SOX6: variants seen among roughly 807,000 people sequenced by gnomAD.
SOX6 encodes SRY-box transcription factor 6.
In SOX6, 11 loss-of-function variants were observed where a neutral mutation model predicts 97.8. The ratio of observed to expected loss-of-function variants is 0.11; its 90% CI spans 0.07 to 0.19. SOX6 has a LOEUF of 0.19. SOX6 is among the 10% of genes least tolerant of loss of function. The probability of loss-of-function intolerance (pLI) is 1.00; values close to 1 mark genes in which losing one functional copy is unlikely to be tolerated. For synonymous variants in SOX6, 360 were observed against 371.4 expected (o/e 0.97, Z 0.35); for missense variants, 810 against 1,039.5 (o/e 0.78, Z 3.04).
intron 3 of SOX6, among the ~76,000 whole-genome samples, chr11:16,642,972 T>C (rs1848945634): frequency 1.3e-5 from 2 of 152,244 alleles, no homozygotes; most frequent in Admixed American, 1.3e-4. Flanking sequence ...TGCGTTCCTT[T>C]GGAGGAGAAG....
At chr11:16,529,761 T>G (rs897729580) in intron 4 of SOX6, among the ~76,000 whole-genome samples, 7 of 152,046 alleles carry the variant, frequency 4.6e-5, no homozygotes, top group African/African-American at 1.4e-4. Flanking sequence ...CAGGTATCAG[T>G]GGACTATTCT....
chr11:16,447,957 T>G (rs1590207761), intron 1 of SOX6, among the ~76,000 whole-genome samples: 1 of 152,338 alleles, frequency 6.6e-6, no homozygotes, highest in East Asian at 1.9e-4. Context: ...TCAAGTTGTG[T>G]TAAGTAACCC....
intron 4 of SOX6, among the ~76,000 whole-genome samples, chr11:16,560,612 C>G (rs930800092): frequency 7.4e-6 from 1 of 135,308 alleles, no homozygotes; most frequent in South Asian, 2.2e-4. Context: ...TATGTTTATA[C>G]GTACATATAT....
At chr11:16,016,573 C>T (rs1003325613) in intron 12 of SOX6, among the ~76,000 whole-genome samples, 2 of 151,944 alleles carry the variant, frequency 1.3e-5, no homozygotes, top group African/African-American at 4.8e-5. Flanking sequence ...CAAATTAACC[C>T]AGATGCAGGA....
intron 12 of SOX6, among the ~76,000 whole-genome samples, chr11:16,039,679 CA>C (rs1317301037): frequency 6.6e-6 from 1 of 151,796 alleles, no homozygotes; most frequent in African/African-American, 2.4e-5. Context: ...AAATGTAAAG[CA>C]AAAACATTCT....
chr11:16,484,423 G>T, intron 4 of SOX6: 1 of 790,808 alleles, frequency 1.3e-6, no homozygotes, highest in Non-Finnish European at 2.3e-6. Flanking sequence ...CCTTCTCATG[G>T]TACATGCACC....
At chr11:16,180,132 A>T (rs1374109142) in intron 6 of SOX6, among the ~76,000 whole-genome samples, 1 of 151,836 alleles carries the variant, frequency 6.6e-6, no homozygotes, top group Non-Finnish European at 1.5e-5. Flanking sequence ...AAAAAAATCA[A>T]GAAATGAGGA....
At chr11:16,566,409 C>T (rs76405684) in intron 4 of SOX6, among the ~76,000 whole-genome samples, 55 of 152,192 alleles carry the variant, frequency 3.6e-4, no homozygotes, top group African/African-American at 9.4e-4. Flanking sequence ...GCCCTTGTGA[C>T]AGGAGATTCT....
intron 4 of SOX6, among the ~76,000 whole-genome samples, chr11:16,591,443 C>T (rs1158277518): frequency 6.6e-6 from 1 of 151,966 alleles, no homozygotes; most frequent in Non-Finnish European, 1.5e-5. Context: ...ATCTGGTCTT[C>T]AAGGCAAAGG....
intron 3 of SOX6, among the ~76,000 whole-genome samples, chr11:16,286,605 G>C (rs933882582): frequency 2.6e-5 from 4 of 152,042 alleles, no homozygotes; most frequent in African/African-American, 7.2e-5. Flanking sequence ...GAATTTTTAT[G>C]TGTAGTGGTG....
At chr11:16,321,337 T>C (rs1395031211) in intron 2 of SOX6, among the ~76,000 whole-genome samples, 1 of 151,334 alleles carries the variant, frequency 6.6e-6, no homozygotes, top group African/African-American at 2.4e-5. Flanking sequence ...GTGGAAGTGG[T>C]TACCTACAAA....
chr11:16,046,402 G>A lies in SOX6; in HGVS notation c.1623+112C>T, dbSNP rs557342700. The A allele has an allele frequency of 2.6e-5, 30 of 1,158,194 alleles. No homozygotes were observed. In the South Asian group the frequency reaches 3.6e-4, roughly 14 times the overall value. 71.7% of individuals were successfully genotyped at this position (1,158,194 alleles called of 1,614,324 possible). On this transcript the variant is annotated intron_variant, in intron 12 of 15. Coordinates refer to ENST00000683767, the MANE Select transcript of SOX6 (RefSeq NM_001367873.1). ...CAGTAAAGTACAAGACAGCCCTCAA[G>A]CTGGAAGCCCAAATCTATGGCTGCA...
At position 16,613,803 on chromosome 11, in the gene SOX6, T is replaced by G. The variant is rs1257594271; in HGVS notation, n.430-1543A>C. On this transcript the variant is annotated intron_variant and non_coding_transcript_variant, in intron 3 of 5. Transcript: ENST00000524520. This position sits in a 1 kb window ranked among gnomAD's most constrained non-coding sequence, Gnocchi z 4.6. ...GCCGGCGGTCAGGCTTGGCCGAGCT[T>G]TGTTTACGTGCCTAAGTCGCCACCT... 6.6e-6 allele frequency among the ~76,000 whole-genome samples: 1 copy of G among 152,104 alleles called. No individual in the cohort carries two copies. The highest frequency in any genetic ancestry group is 2.4e-5 in the African/African-American group (1 of 41,432).
intron 4 of SOX6, among the ~76,000 whole-genome samples, chr11:16,207,541 G>A (rs1852105246): frequency 1.3e-5 from 2 of 150,702 alleles, no homozygotes; most frequent in African/African-American, 2.4e-5. Context: ...CTTGCAGTGA[G>A]CCGAGATCGC....
chr11:16,306,613 T>TTTCTTTTTTTTC (rs1565081626), intron 3 of SOX6, among the ~76,000 whole-genome samples: 5 of 128,446 alleles, frequency 3.9e-5, no homozygotes, highest in Non-Finnish European at 8.0e-5. Context: ...TCAAATTTCT[T>TTTCTTTTTTTTC]TTTTTTTTTT....
Position 16,599,014 on chromosome 11 carries a change from A to G in SOX6, n.609+13067T>C, listed in dbSNP as rs541883959. Reference sequence around the variant, plus strand: ...GTATACACTGTAATATGCACATCACATAGTGCACTTTGAATTTATCTTATA... The same window carrying G: ...GTATACACTGTAATATGCACATCACGTAGTGCACTTTGAATTTATCTTATA... On this transcript the variant is annotated intron_variant and non_coding_transcript_variant, in intron 4 of 5. Coordinates refer to the SOX6 transcript ENST00000524520. 2.6e-5 allele frequency among the ~76,000 whole-genome samples: 4 copies of G among 152,288 alleles called. No homozygotes were observed. In the East Asian group the frequency reaches 7.7e-4, roughly 29 times the overall value.
intron 3 of SOX6, among the ~76,000 whole-genome samples, chr11:16,664,955 G>A (rs1299638139): frequency 6.6e-6 from 1 of 151,878 alleles, no homozygotes; most frequent in Non-Finnish European, 1.5e-5. Flanking sequence ...GGGCCAGAAG[G>A]GAACCTCATA....
At chr11:16,322,456 C>T (rs550912762) in intron 2 of SOX6, among the ~76,000 whole-genome samples, 2 of 152,286 alleles carry the variant, frequency 1.3e-5, no homozygotes, top group South Asian at 4.1e-4. Flanking sequence ...GCCTGCAGAA[C>T]CATGAGCTAT....
intron 15 of SOX6, among the ~76,000 whole-genome samples, chr11:15,974,377 TC>T (rs1237865936): frequency 2.3e-5 from 2 of 87,624 alleles, no homozygotes; most frequent in African/African-American, 9.0e-5. Flanking sequence ...GTTAGCTCTC[TC>T]TTTTTTTTTT....
Sources: gnomAD v4.1 joint callset for allele counts (sites outside exome capture counted in the v4.1 genomes callset) on GRCh38, gnomAD v4.1.1 for gene constraint, Gnocchi (gnomAD v3.1) non-coding constraint, MANE v1.5 for transcripts, NCBI Gene and HGNC (gene_info 2026-07-23, HGNC 2026-07-21) for gene names.